The following ALPK1 variants were observed in gnomAD, a reference collection of about 807,000 sequenced individuals.
ALPK1 encodes alpha-protein kinase 1.
Under a neutral mutation model 120.6 loss-of-function variants are expected in ALPK1, and 110 were observed. That is an observed-to-expected ratio of 0.91 (90% confidence interval 0.78 to 1.07). The LOEUF (loss-of-function observed/expected upper bound fraction) is 1.07, where lower values mean the gene tolerates loss of function less well. Among genes scored for constraint, ALPK1 ranks in the 50% least tolerant of loss-of-function variants. The pLI, the probability that ALPK1 is intolerant of heterozygous loss-of-function variation, is 0.00. For synonymous variants in ALPK1, 582 were observed against 560.3 expected, an observed-to-expected ratio of 1.04 and a Z score of -0.55; for missense variants, 1,498 against 1,483.9, an observed-to-expected ratio of 1.01 and a Z score of -0.16.
intron 2 of ALPK1, among the ~76,000 whole-genome samples, chr4:112,340,534 G>A (rs77668718): frequency 0.014 from 2,066 of 152,160 alleles, 57 homozygotes; most frequent in African/African-American, 0.047. Context: ...CTATGCCCTT[G>A]GGTGGATGTA....
rs902726844 is a variant in ALPK1, at chr4:112,425,653, C to G, written c.536-12C>G. ...TCTGATAATTCAAGGGAATTTTCAT[C>G]TTTTCTTTTAGGTACCTGGCTGTAC... On this transcript the variant is annotated splice_polypyrimidine_tract_variant and intron_variant, in intron 6 of 15. Transcript: ENST00000650871. 1.2e-6 allele frequency: 2 copies of G among 1,609,980 alleles called. No homozygotes were observed. Among genetic ancestry groups the G allele is most frequent in the African/African-American group, 2.7e-5 (2 of 74,806 alleles).
intron 4 of ALPK1, chr4:112,383,992 G>C (rs1264761010): frequency 6.6e-6 from 1 of 152,160 alleles, no homozygotes; most frequent in Non-Finnish European, 1.5e-5. Context: ...TGTGCTGCAA[G>C]CGAAAAACAG....
intron 2 of ALPK1, among the ~76,000 whole-genome samples, chr4:112,376,799 G>A (rs1361858189): frequency 6.6e-6 from 1 of 152,190 alleles, no homozygotes; most frequent in Non-Finnish European, 1.5e-5. Flanking sequence ...CTCCAGGAGT[G>A]TCTAAACCTG....
chr4:112,317,641 A>C (rs1438774746), intron 2 of ALPK1, among the ~76,000 whole-genome samples: 1 of 152,164 alleles, frequency 6.6e-6, no homozygotes, highest in Non-Finnish European at 1.5e-5. Context: ...TTTTGAAATC[A>C]GGAAGTGTGA....
rs1734517683 is a variant in ALPK1, at chr4:112,430,985, G to A, written c.1438G>A (p.Glu480Lys). ...FESDCGNNKN[E>K]QKDAKTGVCI... ...AAGTGATTGTGGAAACAACAAAAATGAACAGAAAGATGCAAAAACAGGAGT... is the reference window on the plus strand; with the variant it reads ...AAGTGATTGTGGAAACAACAAAAATAAACAGAAAGATGCAAAAACAGGAGT... Residue 480 changes from glutamate (E) to lysine (K), a missense_variant, in exon 11 of 16, where the codon GAA becomes AAA. Transcript: ENST00000650871. 6.2e-7 allele frequency: 1 copy of A among 1,613,498 alleles called. No homozygotes were observed. The highest frequency in any genetic ancestry group is 2.2e-5 in the East Asian group (1 of 44,870).
intron 15 of ALPK1, 43 bp from the exon 16 acceptor site, chr4:112,441,160 A>G (rs1486868): frequency 0.33 from 530,005 of 1,612,184 alleles, 90,361 homozygotes; most frequent in African/African-American, 0.53. Flanking sequence ...GATGCTCTCA[A>G]ATATCTGGTG....
chr4:112,321,275 T>A (rs1295901351), intron 2 of ALPK1, among the ~76,000 whole-genome samples: 2 of 152,170 alleles, frequency 1.3e-5, no homozygotes, highest in Non-Finnish European at 2.9e-5. Context: ...GGTCTAACAA[T>A]TTTATTTAAC....
intron 2 of ALPK1, among the ~76,000 whole-genome samples, chr4:112,340,762 C>T (rs997754204): frequency 6.6e-6 from 1 of 152,226 alleles, no homozygotes; most frequent in Non-Finnish European, 1.5e-5. Flanking sequence ...GCTTTTACTA[C>T]TTCATAGGAA....
At chr4:112,382,369 T>C in intron 3 of ALPK1, 29 bp from the exon 4 acceptor site, 1 of 1,583,842 alleles carries the variant, frequency 6.3e-7, no homozygotes, top group Non-Finnish European at 8.6e-7. Flanking sequence ...TTGACTGCAA[T>C]TTCCTTACCT....
intron 2 of ALPK1, among the ~76,000 whole-genome samples, chr4:112,317,718 A>G (rs1424004608): frequency 1.3e-5 from 2 of 152,064 alleles, no homozygotes; most frequent in Non-Finnish European, 2.9e-5. Flanking sequence ...TTCTATATAA[A>G]TTTTAGGATG....
At chr4:112,361,223 G>A (rs1730897054) in intron 2 of ALPK1, among the ~76,000 whole-genome samples, 1 of 152,222 alleles carries the variant, frequency 6.6e-6, no homozygotes, top group South Asian at 2.1e-4. Context: ...TTTGAAGGAG[G>A]TGGATTGCTG....
chr4:112,434,510 G>A lies in ALPK1; in HGVS notation c.3035-638G>A, dbSNP rs557623619. Among the ~76,000 whole-genome samples the A allele has an allele frequency of 3.9e-5, 6 of 152,328 alleles. No individual in the cohort carries two copies. The East Asian group carries it at 7.7e-4, about 20-fold the overall frequency. On this transcript the variant is annotated intron_variant, in intron 11 of 15. Coordinates refer to ENST00000650871, the MANE Select transcript of ALPK1 (RefSeq NM_025144.4). ...CTCCTTCCTTAGGATTCATGTGGGT[G>A]TTTCTCCTCAAAGAGATGCTTTCTT...
chr4:112,374,276 C>G (rs1431241019), intron 2 of ALPK1, among the ~76,000 whole-genome samples: 2 of 152,320 alleles, frequency 1.3e-5, no homozygotes, highest in South Asian at 4.1e-4. Flanking sequence ...AACCACCTTC[C>G]TTGCCCATCT....
intron 2 of ALPK1, among the ~76,000 whole-genome samples, chr4:112,371,243 C>T (rs984594018): frequency 2.6e-5 from 4 of 152,172 alleles, no homozygotes; most frequent in South Asian, 2.1e-4. Context: ...GGCAAACCCC[C>T]ACCCTAACGT....
intron 2 of ALPK1, among the ~76,000 whole-genome samples, chr4:112,335,208 A>G (rs1041193390): frequency 6.6e-6 from 1 of 151,296 alleles, no homozygotes; most frequent in African/African-American, 2.4e-5. Context: ...GTGAGTCAAG[A>G]TCGTGCCATT....
intron 2 of ALPK1, among the ~76,000 whole-genome samples, chr4:112,346,246 A>G (rs1381356254): frequency 1.3e-5 from 2 of 152,218 alleles, no homozygotes; most frequent in Non-Finnish European, 2.9e-5. Context: ...CATTTATTAT[A>G]TCATATATTA....
intron 2 of ALPK1, among the ~76,000 whole-genome samples, chr4:112,337,447 C>G (rs1445426693): frequency 6.6e-6 from 1 of 152,138 alleles, no homozygotes; most frequent in Non-Finnish European, 1.5e-5. Flanking sequence ...GTAAGCCCAG[C>G]ATTTTGGGAG....
At chr4:112,364,698 T>A (rs148279272) in intron 2 of ALPK1, among the ~76,000 whole-genome samples, 1 of 152,292 alleles carries the variant, frequency 6.6e-6, no homozygotes, top group African/African-American at 2.4e-5. Flanking sequence ...CTTCCCTAAA[T>A]CATGCTATGA....
At chr4:112,350,229 T>G (rs1730292758) in intron 2 of ALPK1, among the ~76,000 whole-genome samples, 1 of 152,200 alleles carries the variant, frequency 6.6e-6, no homozygotes, top group African/African-American at 2.4e-5. Flanking sequence ...GCTACATAGT[T>G]CTATGCAAAA....
Sources: allele counts gnomAD v4.1 joint callset (sites outside exome capture counted in the v4.1 genomes callset), GRCh38; gene constraint gnomAD v4.1.1; transcripts MANE v1.5; gene names NCBI Gene and HGNC (gene_info 2026-07-23, HGNC 2026-07-21).